Variants in GALNT14 observed in about 807,000 individuals in gnomAD.
GALNT14 encodes the protein UDP-GalNAc:polypeptide N-acetylgalactosaminyltransferase 14.
A neutral mutation model predicts 77.5 loss-of-function variants in GALNT14; 60 were observed. The observed-to-expected ratio is 0.77, with a 90% CI of 0.63 to 0.96. The LOEUF is 0.96. Among genes scored for constraint, GALNT14 ranks in the 40% least tolerant of loss-of-function variants. The probability of loss-of-function intolerance (pLI) is 0.00; values close to 1 mark genes in which losing one functional copy is unlikely to be tolerated. For missense variants in GALNT14, 710 were observed against 731.0 expected (o/e 0.97, Z 0.33); for synonymous variants, 280 against 281.7 (o/e 0.99, Z 0.06).
At chr2:30,892,839 T>A in the GALNT14 span, among the ~76,000 whole-genome samples, 1 of 152,130 alleles carries the variant, frequency 6.6e-6, no homozygotes, top group South Asian at 2.1e-4. Context: ...CTTCTATCAG[T>A]CTCCATGAAA....
chr2:30,977,948 C>A lies in GALNT14; in HGVS notation c.300-11646G>T, dbSNP rs114468200. 7.9e-3 allele frequency among the ~76,000 whole-genome samples: 1,208 copies of A among 152,306 alleles called. 9 individuals are homozygous for A. The highest frequency in any genetic ancestry group is 0.031 in the Middle Eastern group (9 of 294). On this transcript the variant is annotated intron_variant, in intron 2 of 14. Transcript: ENST00000349752. ...CCGCCTGCAGAAGAGTCACTTCCAA[C>A]CACTCCTCCCACCCTCTCCACAGCC...
At chr2:31,082,084 G>T (rs1322770304) in intron 1 of GALNT14, among the ~76,000 whole-genome samples, 2 of 152,202 alleles carry the variant, frequency 1.3e-5, no homozygotes. Flanking sequence ...AATAATCCCA[G>T]TAAGGCCAAC....
downstream of GALNT14, among the ~76,000 whole-genome samples, chr2:30,909,716 A>C (rs1664252563): frequency 6.6e-6 from 1 of 151,980 alleles, no homozygotes; most frequent in Non-Finnish European, 1.5e-5. Flanking sequence ...CTGGGTATAT[A>C]CCCAAAGGAC....
chr2:31,132,797 T>C, intron 1 of GALNT14: 4 of 464,964 alleles, frequency 8.6e-6, no homozygotes, highest in South Asian at 6.3e-5. Flanking sequence ...GACTAACGAA[T>C]TAGCCATAAG....
At chr2:31,001,668 G>T (rs1038446303) in intron 1 of GALNT14, among the ~76,000 whole-genome samples, 2 of 151,894 alleles carry the variant, frequency 1.3e-5, no homozygotes, top group African/African-American at 4.8e-5. Context: ...GTCACTATAA[G>T]ACAAGACAAG....
intron 3 of GALNT14, among the ~76,000 whole-genome samples, chr2:30,965,977 G>A (rs1025914133): frequency 6.6e-6 from 1 of 152,162 alleles, no homozygotes. Context: ...CCTTCTGCAC[G>A]TTACCTAACA....
intron 1 of GALNT14, among the ~76,000 whole-genome samples, chr2:31,098,499 A>C (rs959718860): frequency 2.6e-5 from 4 of 152,190 alleles, no homozygotes; most frequent in Admixed American, 2.6e-4. Context: ...CATGCAATGA[A>C]ACATTTCCCT....
chr2:31,131,728 C>A (rs1679003614), intron 1 of GALNT14, among the ~76,000 whole-genome samples: 1 of 152,168 alleles, frequency 6.6e-6, no homozygotes, highest in Non-Finnish European at 1.5e-5. Context: ...GTGCAGGAAT[C>A]CTGGGCTTCA....
At chr2:30,976,291 A>C (rs1418531564) in intron 2 of GALNT14, among the ~76,000 whole-genome samples, 3 of 152,198 alleles carry the variant, frequency 2.0e-5, no homozygotes, top group African/African-American at 4.8e-5. Context: ...CTGGGCTCAG[A>C]AGGACCACAT....
intron 1 of GALNT14, among the ~76,000 whole-genome samples, chr2:31,004,490 C>T (rs1028019187): frequency 3.9e-5 from 6 of 152,188 alleles, no homozygotes; most frequent in African/African-American, 1.4e-4. Flanking sequence ...CTGAAACATG[C>T]TGTCTCTGGT....
In GALNT14 at chr2:31,134,638, G is replaced by A. The variant is rs112664997; in HGVS notation, c.129+3320C>T. Among the ~76,000 whole-genome samples the A allele has an allele frequency of 3.2e-3, 488 of 152,292 alleles. 5 individuals are homozygous for A. Among genetic ancestry groups the A allele is most frequent in the African/African-American group, 0.011 (463 of 41,572 alleles). ...TGTGCCCCACATGGTGCCTTCCAAG[G>A]GCAGGGGTGATGTCCCTCCGCAGTA... On this transcript the variant is annotated intron_variant, in intron 1 of 14. Coordinates refer to ENST00000349752, the MANE Select transcript of GALNT14 (RefSeq NM_024572.4).
intron 1 of GALNT14, among the ~76,000 whole-genome samples, chr2:31,076,682 T>C (rs1675819067): frequency 6.6e-6 from 1 of 151,000 alleles, no homozygotes; most frequent in Admixed American, 6.6e-5. Flanking sequence ...AGAAACTCAA[T>C]CCATTTGAAA....
intron 1 of GALNT14, among the ~76,000 whole-genome samples, chr2:31,060,829 C>T (rs1229306631): frequency 6.6e-6 from 1 of 152,182 alleles, no homozygotes; most frequent in Admixed American, 6.5e-5. Flanking sequence ...CTTCATCTTG[C>T]CAGTGCTCCA....
intron 1 of GALNT14, among the ~76,000 whole-genome samples, chr2:31,108,746 T>C (rs1307261636): frequency 6.6e-6 from 1 of 152,246 alleles, no homozygotes; most frequent in African/African-American, 2.4e-5. Context: ...ATCATATGCA[T>C]GCTCTGTGAT....
chr2:30,959,476 TTG>T (rs1052751635), intron 3 of GALNT14, among the ~76,000 whole-genome samples: 6 of 152,192 alleles, frequency 3.9e-5, no homozygotes, highest in African/African-American at 1.4e-4. Context: ...CTCCAGAAGC[TTG>T]TGGTATAGCA....
At chr2:31,032,239 C>A (rs1406678482) in intron 1 of GALNT14, among the ~76,000 whole-genome samples, 2 of 152,186 alleles carry the variant, frequency 1.3e-5, no homozygotes, top group Non-Finnish European at 2.9e-5. Context: ...CCCATGATCC[C>A]TGGGGAACTG....
At chr2:31,105,642 C>A (rs2148618800) in intron 1 of GALNT14, among the ~76,000 whole-genome samples, 1 of 152,094 alleles carries the variant, frequency 6.6e-6, no homozygotes, top group Non-Finnish European at 1.5e-5. Context: ...AAAAGAATCG[C>A]TTGAACCTGG....
chr2:30,901,681 G>A, the GALNT14 span, among the ~76,000 whole-genome samples: 4 of 151,744 alleles, frequency 2.6e-5, no homozygotes, highest in Admixed American at 6.6e-5. Flanking sequence ...ATATATGTGT[G>A]TATATATATG....
chr2:31,033,463 T>A (rs1332378027), intron 1 of GALNT14, among the ~76,000 whole-genome samples: 3 of 152,184 alleles, frequency 2.0e-5, no homozygotes, highest in Admixed American at 6.5e-5. Context: ...TTGGCTACCT[T>A]TCCTTCCTCG....
Sources: gnomAD v4.1 joint callset for allele counts (sites outside exome capture counted in the v4.1 genomes callset) on GRCh38, gnomAD v4.1.1 for gene constraint, MANE v1.5 for transcripts, NCBI Gene and HGNC (gene_info 2026-07-23, HGNC 2026-07-21) for gene names.